GADL1: variants seen among roughly 807,000 people sequenced by gnomAD.
GADL1 encodes the protein acidic amino acid decarboxylase GADL1.
GADL1 carries 71 observed loss-of-function variants against 69.5 expected under a neutral mutation model. The ratio of observed to expected loss-of-function variants is 1.02; its 90% CI spans 0.84 to 1.25. GADL1 has a LOEUF of 1.25. Among genes scored for constraint, GADL1 ranks in the 50% most tolerant of loss-of-function variants. The pLI, the probability that GADL1 is intolerant of heterozygous loss-of-function variation, is 0.00. For missense variants in GADL1, 737 were observed against 631.8 expected (o/e 1.17, Z -1.79); for synonymous variants, 254 against 214.4 (o/e 1.18, Z -1.62).
At chr3:30,793,016 T>G (rs934722767) in intron 12 of GADL1, among the ~76,000 whole-genome samples, 13 of 152,172 alleles carry the variant, frequency 8.5e-5, no homozygotes, top group African/African-American at 2.9e-4. Context: ...AGTTAAAAAA[T>G]GCTTCTATAT....
chr3:30,756,843 C>T (rs1455701284), intron 14 of GADL1, among the ~76,000 whole-genome samples: 1 of 152,110 alleles, frequency 6.6e-6, no homozygotes, highest in Non-Finnish European at 1.5e-5. Context: ...GTAGATCCAT[C>T]CAGATTCATT....
At chr3:30,803,145 T>C (rs1393691911) in intron 11 of GADL1, among the ~76,000 whole-genome samples, 1 of 152,112 alleles carries the variant, frequency 6.6e-6, no homozygotes, top group Admixed American at 6.5e-5. Flanking sequence ...TTCTGATGGG[T>C]ATTCTTGAGA....
intron 1 of GADL1, among the ~76,000 whole-genome samples, chr3:30,864,388 A>T (rs1183937942): frequency 6.6e-6 from 1 of 150,980 alleles, no homozygotes; most frequent in Non-Finnish European, 1.5e-5. Flanking sequence ...TCACACACAT[A>T]CACACACACG....
chr3:30,843,845 G>T (rs566320737), intron 8 of GADL1, among the ~76,000 whole-genome samples: 13 of 152,330 alleles, frequency 8.5e-5, no homozygotes, highest in African/African-American at 3.1e-4. Context: ...AGATTTCTCA[G>T]AGGGAGGAAT....
At chr3:30,763,698 T>C (rs984230739) in intron 14 of GADL1, among the ~76,000 whole-genome samples, 1 of 152,164 alleles carries the variant, frequency 6.6e-6, no homozygotes, top group Non-Finnish European at 1.5e-5. Flanking sequence ...ATACGTTACA[T>C]CAAAATTGCA....
intron 1 of GADL1, among the ~76,000 whole-genome samples, chr3:30,881,337 T>G (rs1207625391): frequency 1.3e-5 from 2 of 151,962 alleles, no homozygotes; most frequent in Non-Finnish European, 2.9e-5. Flanking sequence ...TAACAGATAC[T>G]TAAACTCTTA....
intron 12 of GADL1, 178 bp downstream of exon 12, chr3:30,800,711 G>A: frequency 1.6e-6 from 1 of 614,564 alleles, no homozygotes; most frequent in Non-Finnish European, 2.9e-6. Flanking sequence ...CTGAGAAAAT[G>A]TGTATTGGAT....
chr3:30,785,958 CATT>C (rs1696779952), intron 13 of GADL1, among the ~76,000 whole-genome samples: 1 of 152,104 alleles, frequency 6.6e-6, no homozygotes, highest in South Asian at 2.1e-4. Context: ...CTAATATGCT[CATT>C]ATTTTATAAA....
At chr3:30,741,581 A>G (rs1695626882) in intron 14 of GADL1, among the ~76,000 whole-genome samples, 1 of 152,034 alleles carries the variant, frequency 6.6e-6, no homozygotes, top group Non-Finnish European at 1.5e-5. Context: ...CCCTCTCAAA[A>G]TGTTCTTGCC....
intron 12 of GADL1, among the ~76,000 whole-genome samples, chr3:30,795,301 C>A (rs556315493): frequency 1.3e-5 from 2 of 152,070 alleles, no homozygotes; most frequent in African/African-American, 4.8e-5. Flanking sequence ...TCACATTATG[C>A]ACATGGTTAG....
chr3:30,769,501 T>G (rs1368200984), intron 14 of GADL1, among the ~76,000 whole-genome samples: 2 of 152,164 alleles, frequency 1.3e-5, no homozygotes, highest in Non-Finnish European at 2.9e-5. Flanking sequence ...AAATTCCTCC[T>G]GCTTCCCCCC....
chr3:30,869,078 A>G (rs1479221626), intron 1 of GADL1, among the ~76,000 whole-genome samples: 1 of 124,642 alleles, frequency 8.0e-6, no homozygotes, highest in Non-Finnish European at 1.7e-5. Flanking sequence ...ATACAGAAGT[A>G]AAAAACAGTC....
At chr3:30,811,666 T>G (rs1697358155) in intron 11 of GADL1, among the ~76,000 whole-genome samples, 1 of 152,234 alleles carries the variant, frequency 6.6e-6, no homozygotes, top group Admixed American at 6.5e-5. Flanking sequence ...TACTGATTTT[T>G]TCTATTTCAG....
intron 11 of GADL1, among the ~76,000 whole-genome samples, chr3:30,805,962 G>T (rs1697246646): frequency 6.6e-6 from 1 of 151,852 alleles, no homozygotes; most frequent in Non-Finnish European, 1.5e-5. Context: ...CTGATCTTGC[G>T]GGAGGAGGAG....
intron 1 of GADL1, among the ~76,000 whole-genome samples, chr3:30,876,911 C>G (rs563090440): frequency 1.3e-5 from 2 of 151,948 alleles, no homozygotes; most frequent in East Asian, 3.9e-4. Flanking sequence ...ATTATGCATC[C>G]TCTATTGGCT....
intron 14 of GADL1, among the ~76,000 whole-genome samples, chr3:30,777,263 G>A (rs574237215): frequency 2.0e-5 from 3 of 151,724 alleles, no homozygotes; most frequent in Non-Finnish European, 4.4e-5. Flanking sequence ...AAAAAAAAAC[G>A]TTTTCCCCCT....
Position 30,800,990 on chromosome 3 carries a change from C to A in GADL1, c.1149G>T (p.Gln383His), listed in dbSNP as rs1697151554. Residue 383 changes from glutamine (Q) to histidine (H), a missense_variant, in exon 12 of 15, where the codon CAG becomes CAT. By Grantham distance (24) the Gln-to-His change is conservative (BLOSUM62 0). Transcript: ENST00000282538. ...TGAATGCATCTGGTCTTCTGCTACA[C>A]TGGATAGACTTGTCTCCTGTGTCAT... is the stretch of plus-strand genomic sequence containing the variant. ...VSYDTGDKSI[Q>H]CSRRPDAFKF... 1 of 1,614,008 alleles carries A rather than the reference C, an allele frequency of 6.2e-7. No individual in the cohort carries two copies. Among genetic ancestry groups the A allele is most frequent in the Non-Finnish European group, 8.5e-7 (1 of 1,179,920 alleles).
At position 30,757,169 on chromosome 3, in the gene GADL1, C is replaced by T. The variant is rs148812599; in HGVS notation, c.1392+21010G>A. ...CATGTGAACCGCTATACCTCTGCTC[C>T]CAAAATGTGATTGAAAAAATAAGAA... On this transcript the variant is annotated intron_variant, in intron 14 of 14. Transcript: ENST00000282538. Among the ~76,000 whole-genome samples the T allele has an allele frequency of 1.1e-4, 17 of 152,130 alleles. No individual in the cohort carries two copies. In the East Asian group the frequency reaches 3.1e-3, roughly 28 times the overall value.
chr3:30,820,751 G>A (rs1025096903), intron 11 of GADL1, among the ~76,000 whole-genome samples: 4 of 151,872 alleles, frequency 2.6e-5, no homozygotes, highest in African/African-American at 9.7e-5. Context: ...AACCATTGTG[G>A]AAGTCAGTGT....
Sources: gnomAD v4.1 joint callset for allele counts (sites outside exome capture counted in the v4.1 genomes callset) on GRCh38, gnomAD v4.1.1 for gene constraint, MANE v1.5 for transcripts, NCBI Gene and HGNC (gene_info 2026-07-23, HGNC 2026-07-21) for gene names.